The following SLC47A1 variants were observed in gnomAD, a reference collection of about 807,000 sequenced individuals.
SLC47A1 encodes the protein multidrug and toxin extrusion protein 1.
Under a neutral mutation model 65.8 loss-of-function variants are expected in SLC47A1, and 58 were observed. The observed-to-expected ratio is 0.88, with a 90% CI of 0.71 to 1.10. The LOEUF (loss-of-function observed/expected upper bound fraction) is 1.10, where lower values mean the gene tolerates loss of function less well. Ranked by LOEUF, SLC47A1 falls within the 50% of genes least tolerant of loss-of-function variation. The probability of loss-of-function intolerance (pLI) is 0.00; values close to 1 mark genes in which losing one functional copy is unlikely to be tolerated. For missense variants in SLC47A1, 706 were observed against 719.2 expected (o/e 0.98, Z 0.21); for synonymous variants, 285 against 295.0 (o/e 0.97, Z 0.35).
In SLC47A1 at chr17:19,558,151, T is replaced by A. The variant is rs137949979; in HGVS notation, c.922-2037T>A. On this transcript the variant is annotated intron_variant, in intron 10 of 16. Coordinates refer to ENST00000270570, the MANE Select transcript of SLC47A1 (RefSeq NM_018242.3). ...AAAACAATACCAATTGTTCTGGTAA[T>A]GTCCCTTATCACTAATTTTCCCCTA... 4.6e-3 allele frequency among the ~76,000 whole-genome samples: 697 copies of A among 152,316 alleles called. 3 individuals carry two copies. The highest frequency in any genetic ancestry group is 7.6e-3 in the Non-Finnish European group (520 of 68,026).
chr17:19,542,607 T>TA, intron 2 of SLC47A1, 113 bp downstream of exon 2: 1 of 870,488 alleles, frequency 1.1e-6, no homozygotes, highest in Non-Finnish European at 1.7e-6. Flanking sequence ...CTTATTCTCT[T>TA]ACAGTGCTGG....
At chr17:19,571,312 G>A (rs1246563185) in intron 14 of SLC47A1, among the ~76,000 whole-genome samples, 166 bp from the exon 15 acceptor site, 1 of 152,120 alleles carries the variant, frequency 6.6e-6, no homozygotes, top group Non-Finnish European at 1.5e-5. Context: ...CCTTCTGGAA[G>A]CCTGAGGAGG....
intron 1 of SLC47A1, chr17:19,534,310 T>C (rs1210326538): frequency 8.5e-6 from 4 of 468,308 alleles, no homozygotes; most frequent in Non-Finnish European, 1.5e-5. Flanking sequence ...CGGGAACGGC[T>C]GGTACGCGCC....
chr17:19,544,584 G>T (rs2152312821), intron 2 of SLC47A1, among the ~76,000 whole-genome samples: 1 of 152,312 alleles, frequency 6.6e-6, no homozygotes, highest in South Asian at 2.1e-4. Context: ...TTCAGGGTTT[G>T]CTGCTGACCC....
intron 12 of SLC47A1, among the ~76,000 whole-genome samples, chr17:19,561,346 G>A (rs2084308794): frequency 6.6e-6 from 1 of 151,890 alleles, no homozygotes; most frequent in Non-Finnish European, 1.5e-5. Context: ...TGACTCATTT[G>A]CAAGATCAGA....
At position 19,577,514 on chromosome 17, in the gene SLC47A1, G is replaced by A. The variant is rs1274063016; in HGVS notation, c.1674G>A (p.Leu558=). Residue 558 remains leucine, a synonymous_variant, in exon 17 of 17, where the codon CTG becomes CTA. Transcript: ENST00000270570. The stretch of plus-strand genomic sequence containing the variant: ...TCCTGGGGGTCTTCTTAATCTTGCT[G>A]GTGGGGATTTTAGTGAGATTCTATG... ...LLLLGVFLIL[L]VGILVRFYVR... The A allele has an allele frequency of 3.7e-6, 6 of 1,614,150 alleles. No homozygotes were observed. The South Asian group carries it at 6.6e-5, about 18-fold the overall frequency.
chr17:19,558,902 T>C (rs2084285522), intron 10 of SLC47A1, among the ~76,000 whole-genome samples: 1 of 152,212 alleles, frequency 6.6e-6, no homozygotes, highest in African/African-American at 2.4e-5. Flanking sequence ...TATTACTTTT[T>C]TATTTCTCAA....
intron 6 of SLC47A1, 145 bp from the exon 7 acceptor site, chr17:19,555,067 A>G: frequency 5.6e-6 from 4 of 708,392 alleles, no homozygotes; most frequent in Non-Finnish European, 1.0e-5. Flanking sequence ...AGGAGCAACA[A>G]GGACATGACC....
chr17:19,555,559 G>A (rs1916578536), intron 7 of SLC47A1, 34 bp from the exon 8 acceptor site: 1 of 1,596,624 alleles, frequency 6.3e-7, no homozygotes, highest in African/African-American at 1.3e-5. Context: ...GGCGCAGGAA[G>A]GTACCTCCCT....
intron 1 of SLC47A1, among the ~76,000 whole-genome samples, chr17:19,540,682 C>T (rs1208881791): frequency 6.6e-6 from 1 of 152,130 alleles, no homozygotes; most frequent in Non-Finnish European, 1.5e-5. Context: ...CCTTTTTATT[C>T]CCATCTTCTG....
intron 14 of SLC47A1, among the ~76,000 whole-genome samples, chr17:19,570,392 G>A (rs769435072): frequency 2.8e-4 from 43 of 152,214 alleles, no homozygotes; most frequent in Non-Finnish European, 5.0e-4. Flanking sequence ...GCGTCACAGT[G>A]GATAAAAGGG....
chr17:19,571,497 C>T lies in SLC47A1; in HGVS notation c.1329C>T (p.Ile443=). 1.2e-6 allele frequency: 2 copies of T among 1,613,666 alleles called. No homozygotes were observed. The highest frequency in any genetic ancestry group is 2.2e-5 in the East Asian group (1 of 44,888). ...LGVMGLWSGI[I]ICTVFQAVCF... ...TTCTAGGTCTGTGGTCAGGGATCATCATCTGTACAGTCTTTCAAGCTGTGT... is the reference window on the plus strand; with the variant it reads ...TTCTAGGTCTGTGGTCAGGGATCATTATCTGTACAGTCTTTCAAGCTGTGT... The change falls in exon 15 of 17, where the codon ATC becomes ATT. Residue 443 remains isoleucine, a synonymous_variant. Coordinates refer to ENST00000270570, the MANE Select transcript of SLC47A1 (RefSeq NM_018242.3).
chr17:19,576,488 C>A (rs565368568), intron 16 of SLC47A1, among the ~76,000 whole-genome samples: 1 of 151,054 alleles, frequency 6.6e-6, no homozygotes, highest in South Asian at 2.1e-4. Context: ...GTAGTTGGGA[C>A]TATAGGCATA....
chr17:19,574,271 A>G (rs922043018), intron 16 of SLC47A1, among the ~76,000 whole-genome samples: 4 of 152,088 alleles, frequency 2.6e-5, no homozygotes, highest in Non-Finnish European at 5.9e-5. Context: ...TCTAACCACA[A>G]GTACAGAGAG....
At chr17:19,577,181 A>C in intron 16 of SLC47A1, 146 bp from the exon 17 acceptor site, 1 of 1,195,204 alleles carries the variant, frequency 8.4e-7, no homozygotes, top group Non-Finnish European at 1.1e-6. Flanking sequence ...CTCTGCGATA[A>C]GATTTCTTTT....
intron 6 of SLC47A1, among the ~76,000 whole-genome samples, chr17:19,554,903 C>A (rs1258687472): frequency 1.3e-5 from 2 of 152,150 alleles, no homozygotes; most frequent in African/African-American, 4.8e-5. Flanking sequence ...ACCCATTTAG[C>A]CCCTGCCAGT....
intron 12 of SLC47A1, 47 bp downstream of exon 12, chr17:19,560,540 TG>T (rs749503218): frequency 6.3e-7 from 1 of 1,581,510 alleles, no homozygotes; most frequent in East Asian, 2.2e-5. Context: ...GATAAAGAAA[TG>T]GTTCATTGAG....
intron 6 of SLC47A1, among the ~76,000 whole-genome samples, chr17:19,554,352 G>A (rs1006999713): frequency 6.6e-6 from 1 of 152,298 alleles, no homozygotes; most frequent in East Asian, 1.9e-4. Flanking sequence ...GAGCTCCCAC[G>A]AAGCTCTGTG....
intron 3 of SLC47A1, 135 bp from the exon 4 acceptor site, chr17:19,547,850 G>C: frequency 1.2e-6 from 1 of 862,536 alleles, no homozygotes. Context: ...AGCCTCCTGA[G>C]TAGCTGGGAT....
Sources: gnomAD v4.1 joint callset for allele counts (sites outside exome capture counted in the v4.1 genomes callset) on GRCh38, gnomAD v4.1.1 for gene constraint, MANE v1.5 for transcripts, NCBI Gene and HGNC (gene_info 2026-07-23, HGNC 2026-07-21) for gene names.